MAP3K15: variants seen among roughly 807,000 people sequenced by gnomAD.
MAP3K15 encodes the protein MAPK/ERK kinase kinase 15.
Under a neutral mutation model 99.5 loss-of-function variants are expected in MAP3K15, and 124 were observed. The observed-to-expected ratio is 1.25, with a 90% CI of 1.08 to 1.45. The LOEUF (loss-of-function observed/expected upper bound fraction) is 1.45, where lower values mean the gene tolerates loss of function less well. Among genes scored for constraint, MAP3K15 ranks in the 40% most tolerant of loss-of-function variants. The pLI is 0.00. For missense variants in MAP3K15, 1,242 were observed against 1,079.7 expected, an observed-to-expected ratio of 1.15 and a Z score of -2.11; for synonymous variants, 494 against 439.6, an observed-to-expected ratio of 1.12 and a Z score of -1.55.
At chrX:19,507,830 AT>A (rs1246854017) in intron 1 of MAP3K15, among the ~76,000 whole-genome samples, 3 of 110,300 alleles carry the variant, frequency 2.7e-5, no homozygotes, top group African/African-American at 9.9e-5. Flanking sequence ...CTAAAAAACT[AT>A]TTTAAAAAAA....
chrX:19,440,253 C>T (rs1052165761), intron 6 of MAP3K15, among the ~76,000 whole-genome samples: 1 of 112,003 alleles, frequency 8.9e-6, no homozygotes, highest in African/African-American at 3.2e-5. Flanking sequence ...GGTTTGTCAG[C>T]TCTTCTATCA....
chrX:19,392,603 T>A, intron 16 of MAP3K15, 130 bp from the exon 17 acceptor site: 1 of 625,917 alleles, frequency 1.6e-6, no homozygotes. Context: ...CTGGGCTAAA[T>A]GCAACATGTT....
intron 6 of MAP3K15, among the ~76,000 whole-genome samples, chrX:19,432,666 T>A (rs2063892073): frequency 9.0e-6 from 1 of 110,535 alleles, no homozygotes; most frequent in Non-Finnish European, 1.9e-5. Context: ...CTAAAAACTG[T>A]TCATTTTTAG....
At chrX:19,425,030 C>T (rs987565341) in intron 9 of MAP3K15, among the ~76,000 whole-genome samples, 2 of 111,002 alleles carry the variant, frequency 1.8e-5, no homozygotes, top group Admixed American at 9.7e-5. Context: ...CGGGGACTGG[C>T]TTTTCTTACT....
intron 6 of MAP3K15, among the ~76,000 whole-genome samples, chrX:19,451,981 C>T (rs1314529878): frequency 9.5e-6 from 1 of 105,728 alleles, no homozygotes; most frequent in Non-Finnish European, 1.9e-5. Flanking sequence ...ATCACTTGAA[C>T]CTGGGAGGTG....
chrX:19,404,128 A>G (rs920391804), intron 13 of MAP3K15, among the ~76,000 whole-genome samples: 2 of 111,986 alleles, frequency 1.8e-5, no homozygotes, highest in Non-Finnish European at 3.8e-5. Flanking sequence ...AAGGAATTCA[A>G]TAAAACCCAT....
chrX:19,469,420 C>A (rs1045203177), intron 3 of MAP3K15, among the ~76,000 whole-genome samples: 3 of 111,802 alleles, frequency 2.7e-5, no homozygotes, highest in Admixed American at 9.5e-5. Flanking sequence ...TAGAGACTTA[C>A]ATGTTAGACC....
intron 7 of MAP3K15, among the ~76,000 whole-genome samples, chrX:19,429,800 GAGAGAGAGA>G (rs2063865957): frequency 1.1e-5 from 1 of 91,857 alleles, no homozygotes; most frequent in African/African-American, 5.0e-5. Context: ...GAGAGAGAGA[GAGAGAGAGA>G]GAGAGAGAGA....
At chrX:19,386,371 G>A (rs968998866) in intron 18 of MAP3K15, among the ~76,000 whole-genome samples, 3 of 111,557 alleles carry the variant, frequency 2.7e-5, no homozygotes, top group South Asian at 3.8e-4. Flanking sequence ...CAGGAGAATC[G>A]TTTGAACCCG....
At chrX:19,461,999 A>G (rs1390384345) in intron 4 of MAP3K15, among the ~76,000 whole-genome samples, 1 of 5,796 alleles carries the variant, frequency 1.7e-4, no homozygotes, top group Non-Finnish European at 7.1e-4. Flanking sequence ...TAAAACACAC[A>G]CACACACACA....
chrX:19,487,634 G>A (rs185516378), intron 2 of MAP3K15, among the ~76,000 whole-genome samples: 1 of 111,689 alleles, frequency 9.0e-6, no homozygotes, highest in African/African-American at 3.3e-5. Flanking sequence ...ACAGTATTTT[G>A]CCATAATTAC....
intron 24 of MAP3K15, 107 bp downstream of exon 24, chrX:19,370,852 T>A: frequency 1.6e-6 from 1 of 621,390 alleles, no homozygotes; most frequent in Non-Finnish European, 2.6e-6. Flanking sequence ...TCCAAGGAAG[T>A]AGATAACCAA....
intron 19 of MAP3K15, among the ~76,000 whole-genome samples, chrX:19,379,630 C>T (rs2063444591): frequency 9.1e-6 from 1 of 109,570 alleles, no homozygotes; most frequent in Non-Finnish European, 1.9e-5. Context: ...GTATCAGAGA[C>T]GAGGTTTTGC....
chrX:19,392,193 C>G (rs1179151930), intron 17 of MAP3K15, 86 bp from the exon 18 acceptor site: 1 of 1,045,464 alleles, frequency 9.6e-7, no homozygotes, highest in East Asian at 3.0e-5. Context: ...GAAACCGTCA[C>G]AAGTCTCTAG....
chrX:19,409,866 T>C lies in MAP3K15; in HGVS notation c.1748+58A>G, dbSNP rs762247480. 1.8e-5 allele frequency: 17 copies of C among 947,165 alleles called. No individual in the cohort carries two copies. The African/African-American group carries it at 2.5e-4, about 14-fold the overall frequency. The allele number at this position is 947,165 out of a possible 1,213,427, so 78.1% of individuals were successfully genotyped here. On this transcript the variant is annotated intron_variant, in intron 12 of 28. Coordinates refer to ENST00000338883, the MANE Select transcript of MAP3K15 (RefSeq NM_001001671.4). ...GAGTAAGTGGAAACATTAAAGTGCA[T>C]AAAACATTATCATCATTTGCATTAA... is the stretch of plus-strand genomic sequence containing the variant.
intron 6 of MAP3K15, among the ~76,000 whole-genome samples, chrX:19,436,508 C>T (rs765123540): frequency 4.5e-5 from 5 of 111,220 alleles, no homozygotes; most frequent in Non-Finnish European, 9.4e-5. Context: ...ACCCTAGATC[C>T]CTTGATCATC....
At chrX:19,424,634 T>G (rs1267993071) in intron 9 of MAP3K15, among the ~76,000 whole-genome samples, 1 of 109,857 alleles carries the variant, frequency 9.1e-6, no homozygotes, top group Non-Finnish European at 1.9e-5. Context: ...CAATCTGTGT[T>G]TTCTTTCTTT....
intron 9 of MAP3K15, among the ~76,000 whole-genome samples, chrX:19,422,922 A>T (rs1287727820): frequency 9.1e-6 from 1 of 109,589 alleles, no homozygotes; most frequent in Non-Finnish European, 1.9e-5. Context: ...GCAAACTATC[A>T]CAAGGACAAA....
chrX:19,460,745 GT>G (rs1196740643), intron 4 of MAP3K15, among the ~76,000 whole-genome samples: 1 of 105,604 alleles, frequency 9.5e-6, no homozygotes, highest in African/African-American at 3.5e-5. Context: ...CAGATGTTCT[GT>G]TTTTTTGTTT....
Sources: gnomAD v4.1 joint callset for allele counts (sites outside exome capture counted in the v4.1 genomes callset) on GRCh38, gnomAD v4.1.1 for gene constraint, MANE v1.5 for transcripts, NCBI Gene and HGNC (gene_info 2026-07-23, HGNC 2026-07-21) for gene names.